SYN3: variants seen among roughly 807,000 people sequenced by gnomAD.
The protein encoded by SYN3 is synapsin-3.
In SYN3, 35 loss-of-function variants were observed where a neutral mutation model predicts 65.8. That is an observed-to-expected ratio of 0.53 (90% confidence interval 0.41 to 0.70). SYN3 has a LOEUF of 0.70. Ranked by LOEUF, SYN3 falls within the 30% of genes least tolerant of loss-of-function variation. SYN3 has a pLI of 0.00. For missense variants in SYN3, 680 were observed against 749.0 expected, an observed-to-expected ratio of 0.91 and a Z score of 1.08; for synonymous variants, 270 against 292.9, an observed-to-expected ratio of 0.92 and a Z score of 0.80.
intron 4 of SYN3, among the ~76,000 whole-genome samples, chr22:32,873,331 GGT>G (rs2146370574): frequency 6.8e-6 from 1 of 147,528 alleles, no homozygotes; most frequent in Non-Finnish European, 1.5e-5. Flanking sequence ...AAGGGCATAA[GGT>G]GGTCCAAAGG....
chr22:32,846,030 G>A (rs2048052854), intron 6 of SYN3, among the ~76,000 whole-genome samples: 3 of 152,192 alleles, frequency 2.0e-5, no homozygotes, highest in Non-Finnish European at 4.4e-5. Context: ...AGGACTTTGA[G>A]AATCTATTTG....
intron 4 of SYN3, among the ~76,000 whole-genome samples, chr22:32,896,489 C>A (rs1304898389): frequency 2.6e-5 from 4 of 152,106 alleles, no homozygotes; most frequent in Non-Finnish European, 4.4e-5. Context: ...AACTTAGCAG[C>A]TCATTATCAT....
intron 4 of SYN3, among the ~76,000 whole-genome samples, chr22:32,898,830 C>T (rs982032072): frequency 6.6e-6 from 1 of 152,110 alleles, no homozygotes; most frequent in Non-Finnish European, 1.5e-5. Flanking sequence ...GGGCTGGGCG[C>T]GGTGGCTCAC....
intron 6 of SYN3, among the ~76,000 whole-genome samples, chr22:32,785,824 C>G (rs146498357): frequency 1.1e-4 from 16 of 152,298 alleles, no homozygotes; most frequent in African/African-American, 3.8e-4. Flanking sequence ...GCTCTCAGAA[C>G]AGGACTGTGT....
rs186304552 is a variant in SYN3, at chr22:32,638,053, G to A, written c.712-41317C>T. On this transcript the variant is annotated intron_variant, in intron 6 of 13. Coordinates refer to ENST00000358763, the MANE Select transcript of SYN3 (RefSeq NM_003490.4). ...ACTTCATGTTAGGTCCCATTCATAA[G>A]TGAGAACATGCATTGTTTGGTTTAC... Among the ~76,000 whole-genome samples, 317 of 152,306 alleles carry A rather than the reference G, an allele frequency of 2.1e-3. 1 individual carries two copies. Among genetic ancestry groups the A allele is most frequent in the Non-Finnish European group, 3.6e-3 (243 of 68,036 alleles).
rs1227646026 is a variant in SYN3 at position 32,510,861 on chromosome 22, C to T, written c.*2831G>A. Among the ~76,000 whole-genome samples, 2 of 149,968 alleles carry T rather than the reference C, an allele frequency of 1.3e-5. No individual in the cohort carries two copies. Among genetic ancestry groups the T allele is most frequent in the Non-Finnish European group, 2.9e-5 (2 of 67,968 alleles). On this transcript the variant is annotated 3_prime_UTR_variant, in exon 14 of 14. Transcript: ENST00000358763. ...TGTGACTTATACTAGTGATCCCTAT[C>T]TTCTTGGGGGCAAGTGGGGAAGCCA...
chr22:32,984,247 T>C (rs894227547), intron 2 of SYN3, among the ~76,000 whole-genome samples: 9 of 149,860 alleles, frequency 6.0e-5, no homozygotes, highest in East Asian at 5.8e-4. Context: ...CCTTGGCAGA[T>C]ACAATTTCAT....
In SYN3 at chr22:32,994,304, C is replaced by T. The variant is rs186910802; in HGVS notation, c.311+12048G>A. On this transcript the variant is annotated intron_variant, in intron 2 of 13. Transcript: ENST00000358763. ...CCCCCAGACACCAGGGCCAGGACTGCGAGGGGGTAGGGAGGGGCAGGGGGT... is the reference window on the plus strand; with the variant it reads ...CCCCCAGACACCAGGGCCAGGACTGTGAGGGGGTAGGGAGGGGCAGGGGGT... 7.2e-5 allele frequency among the ~76,000 whole-genome samples: 11 copies of T among 152,102 alleles called. 1 individual carries two copies. Among genetic ancestry groups the T allele is most frequent in the South Asian group, 4.2e-4 (2 of 4,804 alleles).
At chr22:32,936,074 T>G (rs1482444012) in intron 3 of SYN3, among the ~76,000 whole-genome samples, 1 of 152,204 alleles carries the variant, frequency 6.6e-6, no homozygotes, top group African/African-American at 2.4e-5. Flanking sequence ...CAAACTGGTG[T>G]ACCCTGAAAA....
At chr22:33,008,924 C>CAAAAAA (rs201719238) in intron 1 of SYN3, among the ~76,000 whole-genome samples, 85 of 57,032 alleles carry the variant, frequency 1.5e-3, no homozygotes, top group South Asian at 2.2e-3. Context: ...GACTTTATCT[C>CAAAAAA]AAAAAAAAAA....
intron 6 of SYN3, among the ~76,000 whole-genome samples, chr22:32,607,423 G>A (rs1211813793): frequency 2.6e-5 from 4 of 152,072 alleles, no homozygotes; most frequent in Non-Finnish European, 5.9e-5. Flanking sequence ...ACCCGCCCAG[G>A]TGCCCAAGAT....
chr22:33,038,354 G>A lies in SYN3; in HGVS notation c.-163+19938C>T, dbSNP rs139894418. Reference sequence around the variant, plus strand: ...TTTCACAGCCAGGATGGGGATTACTGCTGCGGCGCTGCCTCCTCCAGCTCT... The same window carrying A: ...TTTCACAGCCAGGATGGGGATTACTACTGCGGCGCTGCCTCCTCCAGCTCT... On this transcript the variant is annotated intron_variant, in intron 1 of 13. Coordinates refer to ENST00000358763, the MANE Select transcript of SYN3 (RefSeq NM_003490.4). Among the ~76,000 whole-genome samples the A allele has an allele frequency of 3.8e-3, 573 of 152,332 alleles. 1 individual carries two copies. The highest frequency in any genetic ancestry group is 4.8e-3 in the Non-Finnish European group (326 of 68,038).
At chr22:32,806,238 C>G (rs889894611) in intron 6 of SYN3, among the ~76,000 whole-genome samples, 5 of 152,106 alleles carry the variant, frequency 3.3e-5, no homozygotes, top group African/African-American at 1.2e-4. Context: ...GAAGGTGCCC[C>G]TCTGACAGTT....
chr22:32,681,774 GTAGA>G (rs1431697090), intron 6 of SYN3, among the ~76,000 whole-genome samples: 37 of 152,338 alleles, frequency 2.4e-4, no homozygotes, highest in East Asian at 5.8e-4. Context: ...ATGAAGGCAT[GTAGA>G]TAGTTATATT....
chr22:32,882,377 A>G (rs2049165649), intron 4 of SYN3, among the ~76,000 whole-genome samples: 1 of 152,180 alleles, frequency 6.6e-6, no homozygotes, highest in African/African-American at 2.4e-5. Flanking sequence ...AAAAGTACCT[A>G]TGGTATTATA....
chr22:32,611,421 G>T (rs1344753163), intron 6 of SYN3, among the ~76,000 whole-genome samples: 1 of 151,592 alleles, frequency 6.6e-6, no homozygotes, highest in Non-Finnish European at 1.5e-5. Context: ...AGTCCCCCGA[G>T]TAGCTGGGAT....
chr22:32,874,820 T>C (rs1332145755), intron 4 of SYN3, among the ~76,000 whole-genome samples: 1 of 152,044 alleles, frequency 6.6e-6, no homozygotes, highest in African/African-American at 2.4e-5. Context: ...CTTCACGTTT[T>C]CTCTTAATTG....
At chr22:32,518,504 G>C (rs940727842) in intron 12 of SYN3, 170 bp from the exon 13 acceptor site, 1 of 803,556 alleles carries the variant, frequency 1.2e-6, no homozygotes, top group Non-Finnish European at 2.1e-6. Context: ...GGAACATTAA[G>C]ATACATCTGT....
intron 6 of SYN3, among the ~76,000 whole-genome samples, chr22:32,715,745 C>T (rs564739990): frequency 6.9e-6 from 1 of 144,916 alleles, no homozygotes; most frequent in Admixed American, 7.0e-5. Context: ...TGCCACTGCA[C>T]TCCTGCCTGG....
Sources: gnomAD v4.1 joint callset for allele counts (sites outside exome capture counted in the v4.1 genomes callset) on GRCh38, gnomAD v4.1.1 for gene constraint, MANE v1.5 for transcripts, NCBI Gene and HGNC (gene_info 2026-07-23, HGNC 2026-07-21) for gene names.